The following ARAP2 variants were observed in gnomAD, a reference collection of about 807,000 sequenced individuals.
ARAP2 encodes ArfGAP with RhoGAP domain, ankyrin repeat and PH domain 2.
In ARAP2, 148 loss-of-function variants were observed where a neutral mutation model predicts 194.5. The ratio of observed to expected loss-of-function variants is 0.76; its 90% CI spans 0.67 to 0.87. The LOEUF is 0.87. Among genes scored for constraint, ARAP2 ranks in the 40% least tolerant of loss-of-function variants. ARAP2 has a pLI of 0.00. For synonymous variants in ARAP2, 695 were observed against 683.5 expected (o/e 1.02, Z -0.26); for missense variants, 2,128 against 1,989.7 (o/e 1.07, Z -1.32).
chr4:36,119,494 G>C (rs766290580), intron 24 of ARAP2, among the ~76,000 whole-genome samples, 156 bp downstream of exon 24: 3 of 149,358 alleles, frequency 2.0e-5, no homozygotes, highest in Non-Finnish European at 4.5e-5. Context: ...TATGTATCAG[G>C]TTGCTGAATT....
chr4:36,028,198 A>G (rs1718257674), intron 5 of ARAP2, among the ~76,000 whole-genome samples: 1 of 152,168 alleles, frequency 6.6e-6, no homozygotes. Context: ...ATTATGTATG[A>G]TTCATTAAAA....
intron 31 of ARAP2, among the ~76,000 whole-genome samples, chr4:36,078,863 T>C (rs1728835599): frequency 6.6e-6 from 1 of 152,044 alleles, no homozygotes; most frequent in African/African-American, 2.4e-5. Context: ...AATCCAGTCT[T>C]TTGTTTTTCC....
chr4:36,059,703 T>TTGTG (rs1724097159), intron 1 of ARAP2, among the ~76,000 whole-genome samples: 1 of 152,100 alleles, frequency 6.6e-6, no homozygotes, highest in African/African-American at 2.4e-5. Context: ...GAAGACTGAC[T>TTGTG]TGTGAGGAAA....
intron 22 of ARAP2, among the ~76,000 whole-genome samples, chr4:36,122,784 C>T (rs1227682423): frequency 6.6e-5 from 10 of 151,656 alleles, no homozygotes. Flanking sequence ...AAACAACTCC[C>T]TGAAGCATCA....
intron 25 of ARAP2, 54 bp from the exon 26 acceptor site, chr4:36,114,341 T>G (rs2109504296): frequency 2.7e-6 from 3 of 1,092,666 alleles, no homozygotes; most frequent in Non-Finnish European, 4.1e-6. Context: ...GAAGTAGCCT[T>G]ATGCTAGGTC....
At chr4:36,182,293 C>T (rs1454985597) in intron 8 of ARAP2, among the ~76,000 whole-genome samples, 1 of 152,070 alleles carries the variant, frequency 6.6e-6, no homozygotes, top group African/African-American at 2.4e-5. Context: ...GATATTGAGA[C>T]CATCCTGGCT....
At chr4:36,055,881 T>C (rs562615827) in intron 2 of ARAP2, among the ~76,000 whole-genome samples, 15 of 152,172 alleles carry the variant, frequency 9.9e-5, no homozygotes, top group Admixed American at 1.3e-4. Flanking sequence ...GGTACGTTTA[T>C]AAGGTAATTT....
chr4:36,082,552 G>A (rs1729821723), intron 29 of ARAP2, among the ~76,000 whole-genome samples: 1 of 152,072 alleles, frequency 6.6e-6, no homozygotes, highest in South Asian at 2.1e-4. Flanking sequence ...AACTGAATAA[G>A]GCCAAATGTC....
chr4:36,240,382 T>C (rs756299358), intron 1 of ARAP2, among the ~76,000 whole-genome samples: 2 of 152,210 alleles, frequency 1.3e-5, no homozygotes, highest in Non-Finnish European at 2.9e-5. Context: ...GCAGTTAACA[T>C]AGTTTTATTA....
intron 31 of ARAP2, among the ~76,000 whole-genome samples, chr4:36,076,895 G>A (rs977199210): frequency 2.6e-5 from 4 of 152,062 alleles, no homozygotes; most frequent in African/African-American, 9.7e-5. Context: ...ACATCTGACA[G>A]TTGCCAAAAA....
chr4:36,061,442 T>C (rs1724424488), downstream of ARAP2, among the ~76,000 whole-genome samples: 1 of 152,188 alleles, frequency 6.6e-6, no homozygotes, highest in Admixed American at 6.5e-5. Context: ...CACAAATAAA[T>C]AACAGGTGGT....
intron 5 of ARAP2, among the ~76,000 whole-genome samples, chr4:36,021,964 T>C (rs956309024): frequency 3.3e-5 from 5 of 152,174 alleles, no homozygotes; most frequent in African/African-American, 1.2e-4. Context: ...ACCTAGGCTA[T>C]ATAGTATAGC....
At chr4:36,244,089 T>C (rs1754137955) in intron 1 of ARAP2, 90 bp downstream of exon 1, 1 of 152,142 alleles carries the variant, frequency 6.6e-6, no homozygotes, top group East Asian at 1.9e-4. Context: ...CCCGGTGAAG[T>C]GTCGAAAAGC....
intron 25 of ARAP2, 143 bp from the exon 26 acceptor site, chr4:36,114,430 T>C: frequency 1.7e-6 from 1 of 578,880 alleles, no homozygotes; most frequent in African/African-American, 1.9e-5. Context: ...CCTAATCCCA[T>C]ACAGAAAACA....
intron 2 of ARAP2, among the ~76,000 whole-genome samples, chr4:36,054,100 G>A (rs1198575957): frequency 1.3e-5 from 2 of 152,146 alleles, no homozygotes; most frequent in African/African-American, 4.8e-5. Flanking sequence ...TTCACACCGT[G>A]AATGCTTCAT....
At chr4:36,082,458 G>A (rs545867382) in intron 29 of ARAP2, among the ~76,000 whole-genome samples, 172 bp from the exon 30 acceptor site, 1 of 152,228 alleles carries the variant, frequency 6.6e-6, no homozygotes, top group South Asian at 2.1e-4. Flanking sequence ...AAATGCTAAG[G>A]GATCTGGCTA....
intron 6 of ARAP2, among the ~76,000 whole-genome samples, chr4:36,209,821 A>G (rs1174871610): frequency 1.3e-5 from 2 of 152,246 alleles, no homozygotes; most frequent in Non-Finnish European, 2.9e-5. Flanking sequence ...CTTAAGGGAC[A>G]AAAGTTTCTT....
At position 36,158,720 on chromosome 4, in the gene ARAP2, G is replaced by C; in HGVS notation, c.2752+10C>G. ...TATCTGATAATATCTAAAAAGAAGA[G>C]AAAAAATACCTTCAAGCAGTTTTTT... On this transcript the variant is annotated intron_variant, in intron 15 of 32. Transcript: ENST00000303965. 1 of 1,592,118 alleles carries C rather than the reference G, an allele frequency of 6.3e-7. No individual in the cohort carries two copies. Among genetic ancestry groups the C allele is most frequent in the East Asian group, 2.2e-5 (1 of 44,508 alleles).
At chr4:36,023,901 T>C (rs67275990) in intron 5 of ARAP2, among the ~76,000 whole-genome samples, 1 of 152,062 alleles carries the variant, frequency 6.6e-6, no homozygotes, top group African/African-American at 2.4e-5. Flanking sequence ...TTTTAAAAAA[T>C]GACGTTTGTT....
Sources: gnomAD v4.1 joint callset for allele counts (sites outside exome capture counted in the v4.1 genomes callset) on GRCh38, gnomAD v4.1.1 for gene constraint, MANE v1.5 for transcripts, NCBI Gene and HGNC (gene_info 2026-07-23, HGNC 2026-07-21) for gene names.